KCTD1: variants seen among roughly 807,000 people sequenced by gnomAD.
KCTD1 encodes the protein BTB/POZ domain-containing protein KCTD1.
KCTD1 carries 24 observed loss-of-function variants against 66.0 expected under a neutral mutation model. The observed-to-expected ratio is 0.36, with a 90% CI of 0.26 to 0.51. The LOEUF (loss-of-function observed/expected upper bound fraction) is 0.51, where lower values mean the gene tolerates loss of function less well. Among genes scored for constraint, KCTD1 ranks in the 20% least tolerant of loss-of-function variants. KCTD1 has a pLI of 0.95. For synonymous variants in KCTD1, 511 were observed against 517.2 expected (o/e 0.99, Z 0.16); for missense variants, 943 against 1,205.2 (o/e 0.78, Z 3.22).
intron 1 of KCTD1, among the ~76,000 whole-genome samples, chr18:26,635,846 A>G (rs1334399957): frequency 6.6e-6 from 1 of 152,196 alleles, no homozygotes; most frequent in Non-Finnish European, 1.5e-5. Context: ...GTTGTGCACA[A>G]TCCTTAAAAG....
intron 1 of KCTD1, among the ~76,000 whole-genome samples, chr18:26,586,205 TG>T (rs1427821676): frequency 6.6e-6 from 1 of 152,238 alleles, no homozygotes; most frequent in Non-Finnish European, 1.5e-5. Flanking sequence ...GTGCTCACTT[TG>T]TATCTTTGTG....
chr18:26,516,165 G>A (rs905644610), intron 1 of KCTD1, among the ~76,000 whole-genome samples: 13 of 152,002 alleles, frequency 8.6e-5, no homozygotes, highest in Non-Finnish European at 1.5e-4. Flanking sequence ...AGAAACTGAT[G>A]GAAAGGAAAA....
chr18:26,615,906 T>A (rs1228590200), intron 1 of KCTD1, among the ~76,000 whole-genome samples: 1 of 152,150 alleles, frequency 6.6e-6, no homozygotes, highest in African/African-American at 2.4e-5. Flanking sequence ...TTCTCCTGCC[T>A]CAGCCTCCCA....
intron 2 of KCTD1, among the ~76,000 whole-genome samples, chr18:26,500,088 T>A (rs1982676434): frequency 6.6e-6 from 1 of 151,492 alleles, no homozygotes; most frequent in East Asian, 1.9e-4. Flanking sequence ...TTGAGACCAG[T>A]CTGGGCAACA....
chr18:26,473,746 C>T (rs939399661), intron 3 of KCTD1, among the ~76,000 whole-genome samples: 2 of 152,160 alleles, frequency 1.3e-5, no homozygotes, highest in Non-Finnish European at 2.9e-5. Context: ...GTGAGATGCA[C>T]GCCATTGAGG....
intron 1 of KCTD1, among the ~76,000 whole-genome samples, chr18:26,516,397 G>A (rs1450538395): frequency 6.6e-6 from 1 of 152,180 alleles, no homozygotes; most frequent in Non-Finnish European, 1.5e-5. Context: ...TGGAAGAAAA[G>A]TTTAAAGGGT....
upstream of KCTD1, among the ~76,000 whole-genome samples, chr18:26,640,952 G>C (rs1275895286): frequency 6.6e-6 from 1 of 152,168 alleles, no homozygotes; most frequent in Non-Finnish European, 1.5e-5. Context: ...AGATCCGAGA[G>C]AGTAGCCAAG....
At chr18:26,577,518 C>T (rs980603653) in intron 1 of KCTD1, among the ~76,000 whole-genome samples, 15 of 151,160 alleles carry the variant, frequency 9.9e-5, no homozygotes, top group Admixed American at 2.0e-4. Flanking sequence ...TTATTTCTTT[C>T]GGATAAATTC....
chr18:26,504,769 A>G (rs988556555), intron 1 of KCTD1, among the ~76,000 whole-genome samples: 1 of 152,208 alleles, frequency 6.6e-6, no homozygotes, highest in Non-Finnish European at 1.5e-5. Context: ...TTGATGCTCA[A>G]TATGTATCCC....
At chr18:26,577,070 G>A (rs1598949236) in intron 1 of KCTD1, among the ~76,000 whole-genome samples, 1 of 152,120 alleles carries the variant, frequency 6.6e-6, no homozygotes, top group Admixed American at 6.5e-5. Flanking sequence ...GAATTTAGTG[G>A]TTTATGTTTA....
intron 1 of KCTD1, among the ~76,000 whole-genome samples, chr18:26,592,259 G>A (rs1986626490): frequency 6.6e-6 from 1 of 152,102 alleles, no homozygotes; most frequent in African/African-American, 2.4e-5. Context: ...TTCTTTACCA[G>A]AAAAATAATT....
At position 26,614,791 on chromosome 18, in the gene KCTD1, G is replaced by A. The variant is rs529095271; in HGVS notation, c.-16+14356C>T. 2.8e-4 allele frequency among the ~76,000 whole-genome samples: 43 copies of A among 152,270 alleles called. 1 individual carries two copies. The highest frequency in any genetic ancestry group is 1.0e-3 in the African/African-American group (42 of 41,536). On this transcript the variant is annotated intron_variant, in intron 1 of 4. Transcript: ENST00000317932. ...TCAGCATCTCATTGAATGTGAACTCGTTAACGTGGTGACCTACACTTATCT... is the reference window on the plus strand; with the variant it reads ...TCAGCATCTCATTGAATGTGAACTCATTAACGTGGTGACCTACACTTATCT...
chr18:26,542,300 C>T (rs1171811285), intron 1 of KCTD1, among the ~76,000 whole-genome samples: 1 of 152,166 alleles, frequency 6.6e-6, no homozygotes, highest in African/African-American at 2.4e-5. Flanking sequence ...TACCTTATCC[C>T]TTATATAAAT....
At chr18:26,461,112 G>A (rs1487383748) in intron 3 of KCTD1, among the ~76,000 whole-genome samples, 1 of 152,234 alleles carries the variant, frequency 6.6e-6, no homozygotes, top group Non-Finnish European at 1.5e-5. Flanking sequence ...ATGGGCTAGA[G>A]TATGAGAAGC....
chr18:26,550,268 G>A (rs1985503362), upstream of KCTD1, among the ~76,000 whole-genome samples: 1 of 152,052 alleles, frequency 6.6e-6, no homozygotes, highest in African/African-American at 2.4e-5. This position sits in a 1 kb window ranked among gnomAD's most constrained non-coding sequence, Gnocchi z 5.4. Context: ...CCCCTTCCCT[G>A]GCCCTCCTGT....
chr18:26,516,353 C>G (rs1195857594), intron 1 of KCTD1, among the ~76,000 whole-genome samples: 2 of 152,158 alleles, frequency 1.3e-5, no homozygotes, highest in Non-Finnish European at 2.9e-5. Flanking sequence ...TACTGGATCC[C>G]TCTGCAAGTG....
intron 1 of KCTD1, among the ~76,000 whole-genome samples, chr18:26,516,746 T>C (rs1429804121): frequency 6.6e-6 from 1 of 152,140 alleles, no homozygotes; most frequent in Non-Finnish European, 1.5e-5. Context: ...GAATAAACAG[T>C]ACTGATGATG....
intron 1 of KCTD1, among the ~76,000 whole-genome samples, chr18:26,647,792 C>G (rs999734243): frequency 2.6e-5 from 4 of 151,846 alleles, no homozygotes; most frequent in African/African-American, 9.7e-5. Flanking sequence ...GGAGCTGGCC[C>G]TCATAGGTGA....
At chr18:26,550,346 T>C (rs943094936), upstream of KCTD1, among the ~76,000 whole-genome samples, 4 of 151,902 alleles carry the variant, frequency 2.6e-5, no homozygotes, top group Non-Finnish European at 5.9e-5. The surrounding 1 kb of genome is among the most constrained non-coding windows in gnomAD (Gnocchi z 5.4). Flanking sequence ...TTTTTTTTTT[T>C]AAGAAAGAAT....
Sources: gnomAD v4.1 joint callset for allele counts (sites outside exome capture counted in the v4.1 genomes callset) on GRCh38, gnomAD v4.1.1 for gene constraint, Gnocchi (gnomAD v3.1) non-coding constraint, MANE v1.5 for transcripts, NCBI Gene and HGNC (gene_info 2026-07-23, HGNC 2026-07-21) for gene names.